Variants in ADGRL2 observed in about 807,000 individuals in gnomAD.
ADGRL2 encodes calcium-independent alpha-latrotoxin receptor 2.
ADGRL2 carries 44 observed loss-of-function variants against 157.4 expected under a neutral mutation model. The ratio of observed to expected loss-of-function variants is 0.28; its 90% CI spans 0.22 to 0.36. The LOEUF is 0.36. Among genes scored for constraint, ADGRL2 ranks in the 10% least tolerant of loss-of-function variants. The pLI, the probability that ADGRL2 is intolerant of heterozygous loss-of-function variation, is 1.00. For missense variants in ADGRL2, 1,510 were observed against 1,768.9 expected, an observed-to-expected ratio of 0.85 and a Z score of 2.63; for synonymous variants, 585 against 624.7, an observed-to-expected ratio of 0.94 and a Z score of 0.95.
Position 81,979,912 on chromosome 1 carries a change from A to C in ADGRL2, c.3065A>C (p.Lys1022Thr), listed in dbSNP as rs756610656. Residue 1022 changes from lysine (K) to threonine (T), a missense_variant, in exon 18 of 24, where the codon AAG (lysine) becomes ACG (threonine). By Grantham distance (78) the Lys-to-Thr change is moderately conservative. Transcript: ENST00000686636. ...FLVITLCKMV[K>T]HSNTLKPDSS... is the part of the protein sequence containing the mutation. Reference sequence around the variant, plus strand: ...GTGATCACATTGTGCAAAATGGTGAAGCATTCAAACACTTTGAAACCAGAT... The same window carrying C: ...GTGATCACATTGTGCAAAATGGTGACGCATTCAAACACTTTGAAACCAGAT... 1.7e-5 allele frequency: 28 copies of C among 1,608,970 alleles called. No homozygotes were observed. In the South Asian group the frequency reaches 2.0e-4, roughly 11 times the overall value.
intron 8 of ADGRL2, among the ~76,000 whole-genome samples, chr1:81,951,684 C>A (rs757690017): frequency 6.6e-6 from 1 of 151,920 alleles, no homozygotes; most frequent in Admixed American, 6.6e-5. Context: ...TAAATGGTAG[C>A]AGTGAAATGA....
chr1:81,400,956 A>G (rs1414884331), intron 1 of ADGRL2, among the ~76,000 whole-genome samples: 1 of 152,156 alleles, frequency 6.6e-6, no homozygotes, highest in Non-Finnish European at 1.5e-5. Flanking sequence ...CAGTTCGGCC[A>G]AGAAAGGCAA....
At chr1:81,388,188 C>T (rs763204594) in intron 1 of ADGRL2, among the ~76,000 whole-genome samples, 1 of 152,226 alleles carries the variant, frequency 6.6e-6, no homozygotes, top group South Asian at 2.1e-4. Flanking sequence ...AAACTGTAGA[C>T]CTGTCCCTTC....
intron 1 of ADGRL2, among the ~76,000 whole-genome samples, chr1:81,313,471 G>A (rs886931870): frequency 1.5e-4 from 23 of 151,998 alleles, no homozygotes; most frequent in African/African-American, 5.3e-4. Flanking sequence ...TAATTTCTAC[G>A]GCTCTTAAAA....
intron 2 of ADGRL2, among the ~76,000 whole-genome samples, chr1:81,786,483 T>G (rs187675015): frequency 6.6e-6 from 1 of 151,858 alleles, no homozygotes; most frequent in Non-Finnish European, 1.5e-5. Context: ...GGCTGAGGCA[T>G]GAAAATCACT....
chr1:81,479,732 C>T (rs1203718653), intron 2 of ADGRL2, among the ~76,000 whole-genome samples: 1 of 152,136 alleles, frequency 6.6e-6, no homozygotes, highest in South Asian at 2.1e-4. Flanking sequence ...AACAAATAAC[C>T]CCAGTGGAGG....
In ADGRL2 at chr1:81,927,428, C is replaced by T. The variant is rs1572170780; in HGVS notation, c.288-9300C>T. Among the ~76,000 whole-genome samples the T allele has an allele frequency of 1.3e-5, 2 of 151,664 alleles. 1 individual carries two copies. Among genetic ancestry groups the T allele is most frequent in the African/African-American group, 4.8e-5 (2 of 41,322 alleles). Reference sequence around the variant, plus strand: ...AATTTCAAGGATTTAATCACAGGTGCAATTTTAAAAAATCAGGATTATATT... The same window carrying T: ...AATTTCAAGGATTTAATCACAGGTGTAATTTTAAAAAATCAGGATTATATT... On this transcript the variant is annotated intron_variant, in intron 3 of 23. Transcript: ENST00000686636.
intron 3 of ADGRL2, among the ~76,000 whole-genome samples, chr1:81,631,428 G>C (rs1222679377): frequency 6.6e-6 from 1 of 152,066 alleles, no homozygotes; most frequent in Non-Finnish European, 1.5e-5. Flanking sequence ...TGTTGGCCAG[G>C]CTGGTCTGGA....
intron 2 of ADGRL2, among the ~76,000 whole-genome samples, chr1:81,459,070 G>A (rs976165044): frequency 1.3e-5 from 2 of 152,178 alleles, no homozygotes; most frequent in Admixed American, 1.3e-4. Context: ...CATCTGTGTG[G>A]CTGAGTCCAG....
chr1:81,333,402 A>ATTT (rs1661405552), intron 1 of ADGRL2, among the ~76,000 whole-genome samples: 3 of 117,468 alleles, frequency 2.6e-5, no homozygotes, highest in African/African-American at 4.4e-5. Context: ...TTAATTAATT[A>ATTT]ATTAATTAAT....
Position 81,809,134 on chromosome 1 carries a change from A to G in ADGRL2, c.-101+8066A>G, listed in dbSNP as rs547019068. 1.6e-3 allele frequency among the ~76,000 whole-genome samples: 244 copies of G among 152,052 alleles called. 2 individuals carry two copies. Among genetic ancestry groups the G allele is most frequent in the Non-Finnish European group, 2.8e-3 (189 of 67,916 alleles). ...GTTGGTTTTGTCATTGATTTTTCCAATCTGTGAGGAGTACATTATAATCAT... is the reference window on the plus strand; with the variant it reads ...GTTGGTTTTGTCATTGATTTTTCCAGTCTGTGAGGAGTACATTATAATCAT... On this transcript the variant is annotated intron_variant, in intron 1 of 23. Transcript: ENST00000686636.
rs2149276461 is a variant in ADGRL2, at chr1:81,966,137, C to T, written c.2097C>T (p.Ser699=). The T allele has an allele frequency of 1.2e-6, 2 of 1,614,030 alleles. No homozygotes were observed. Among genetic ancestry groups the T allele is most frequent in the Non-Finnish European group, 1.7e-6 (2 of 1,179,942 alleles). Residue 699 remains serine, a synonymous_variant, in exon 12 of 24, where the codon AGC becomes AGT. Coordinates refer to ENST00000686636, the MANE Select transcript of ADGRL2 (RefSeq NM_001366006.2). ...KFPLGIKGAG[S]SIQLSANTVK... Reference sequence around the variant, plus strand: ...CTCTGGGCATCAAAGGAGCAGGCAGCTCAATCCAACTGTCCGCAAATACCG... The same window carrying T: ...CTCTGGGCATCAAAGGAGCAGGCAGTTCAATCCAACTGTCCGCAAATACCG...
At chr1:81,820,311 C>G (rs1306760360) in intron 1 of ADGRL2, among the ~76,000 whole-genome samples, 1 of 152,094 alleles carries the variant, frequency 6.6e-6, no homozygotes, top group African/African-American at 2.4e-5. Context: ...ATAAGAGTTA[C>G]AATTAAAGTG....
intron 1 of ADGRL2, among the ~76,000 whole-genome samples, chr1:81,327,193 T>C (rs539694346): frequency 6.6e-6 from 1 of 152,270 alleles, no homozygotes; most frequent in South Asian, 2.1e-4. Flanking sequence ...TAATGCTCCA[T>C]GTGATTATCA....
intron 3 of ADGRL2, among the ~76,000 whole-genome samples, chr1:81,913,947 C>T (rs1325401699): frequency 6.6e-6 from 1 of 151,882 alleles, no homozygotes; most frequent in African/African-American, 2.4e-5. Context: ...CTAATAGATA[C>T]TAATTTTATA....
At chr1:81,753,961 G>T (rs577769598) in intron 1 of ADGRL2, among the ~76,000 whole-genome samples, 1 of 152,272 alleles carries the variant, frequency 6.6e-6, no homozygotes, top group South Asian at 2.1e-4. Flanking sequence ...TCTATTGTGA[G>T]AATGAGTTGT....
At chr1:81,761,265 T>C (rs1314144379) in intron 1 of ADGRL2, among the ~76,000 whole-genome samples, 1 of 151,904 alleles carries the variant, frequency 6.6e-6, no homozygotes, top group Non-Finnish European at 1.5e-5. Context: ...GTCTGAAATA[T>C]CACTATTGAG....
At chr1:81,433,609 T>G (rs1017280322) in intron 1 of ADGRL2, among the ~76,000 whole-genome samples, 28 of 152,232 alleles carry the variant, frequency 1.8e-4, no homozygotes, top group Non-Finnish European at 3.2e-4. Context: ...TGAATTCAGA[T>G]TCTACCCTTC....
intron 1 of ADGRL2, among the ~76,000 whole-genome samples, chr1:81,704,224 A>T (rs1050051984): frequency 1.3e-5 from 2 of 152,348 alleles, no homozygotes; most frequent in Middle Eastern, 3.4e-3. Context: ...CCTGTGCATT[A>T]CTTGGCAAAA....
Sources: allele counts gnomAD v4.1 joint callset (sites outside exome capture counted in the v4.1 genomes callset), GRCh38; gene constraint gnomAD v4.1.1; transcripts MANE v1.5; gene names NCBI Gene and HGNC (gene_info 2026-07-23, HGNC 2026-07-21).